The following CHST12 variants were observed in gnomAD, a reference collection of about 807,000 sequenced individuals.
CHST12 encodes the protein carbohydrate sulfotransferase 12.
A neutral mutation model predicts 27.9 loss-of-function variants in CHST12; 23 were observed. The observed-to-expected ratio is 0.82, with a 90% CI of 0.59 to 1.17. The LOEUF (loss-of-function observed/expected upper bound fraction) is 1.17, where lower values mean the gene tolerates loss of function less well. Among genes scored for constraint, CHST12 ranks in the 50% most tolerant of loss-of-function variants. CHST12 has a pLI of 0.00. For synonymous variants in CHST12, 322 were observed against 273.0 expected (o/e 1.18, Z -1.77); for missense variants, 682 against 603.0 (o/e 1.13, Z -1.37).
intron 1 of CHST12, among the ~76,000 whole-genome samples, chr7:2,415,450 A>G (rs1449534172): frequency 6.6e-6 from 1 of 152,154 alleles, no homozygotes; most frequent in African/African-American, 2.4e-5. Context: ...CAATGTACAT[A>G]CGTTAATTTA....
At chr7:2,409,104 C>T (rs753882173) in intron 1 of CHST12, among the ~76,000 whole-genome samples, 1 of 152,214 alleles carries the variant, frequency 6.6e-6, no homozygotes, top group African/African-American at 2.4e-5. Context: ...TGGTGTACTA[C>T]AAGGCGCAGC....
intron 1 of CHST12, among the ~76,000 whole-genome samples, chr7:2,417,695 C>G (rs905348716): frequency 1.3e-5 from 2 of 152,044 alleles, no homozygotes; most frequent in Non-Finnish European, 2.9e-5. Flanking sequence ...TGGCCTTACT[C>G]CACTTTTCTG....
At position 2,442,598 on chromosome 7, in the gene CHST12, C is replaced by T. The variant is rs927832346; in HGVS notation, c.*8714C>T. 2.0e-5 allele frequency: 3 copies of T among 152,252 alleles called. No individual in the cohort carries two copies. The highest frequency in any genetic ancestry group is 1.9e-4 in the East Asian group (1 of 5,202). 9.4% of individuals were successfully genotyped at this position (152,252 alleles called of 1,614,324 possible). On this transcript the variant is annotated 3_prime_UTR_variant, in exon 2 of 2. Transcript: ENST00000618655. The stretch of plus-strand genomic sequence containing the variant: ...CAGGATGCTCTGGATCTCCTGACCT[C>T]GTGATCCACCCACCTCGGCCTCCCA...
chr7:2,434,199 T>C lies in CHST12; in HGVS notation c.*315T>C, dbSNP rs531666806. 316 of 236,752 alleles carry C rather than the reference T, an allele frequency of 1.3e-3. 4 individuals are homozygous for C. Among genetic ancestry groups the C allele is most frequent in the South Asian group, 8.1e-3 (91 of 11,282 alleles). 14.7% of individuals were successfully genotyped at this position (236,752 alleles called of 1,614,324 possible). A position where few individuals can be genotyped will look rare whatever the true frequency, so the allele number is the denominator to read the frequency against. ...GAGGGGATGCTGAGGCTGATGGAGC[T>C]GCCTCCAGGGCTAGGGCCACTCACC... On this transcript the variant is annotated 3_prime_UTR_variant, in exon 2 of 2. Transcript: ENST00000618655.
intron 1 of CHST12, among the ~76,000 whole-genome samples, chr7:2,425,251 AC>A (rs1387895125): frequency 6.6e-6 from 1 of 151,326 alleles, no homozygotes; most frequent in African/African-American, 2.4e-5. Flanking sequence ...AAAAAAACAA[AC>A]CCCGGCCCAG....
chr7:2,411,382 GA>G (rs1781660588), intron 1 of CHST12, among the ~76,000 whole-genome samples: 1 of 151,866 alleles, frequency 6.6e-6, no homozygotes. Flanking sequence ...GCACCTGGCT[GA>G]GCCTGGATAT....
intron 1 of CHST12, among the ~76,000 whole-genome samples, chr7:2,432,246 C>A (rs546225205): frequency 3.1e-4 from 46 of 150,088 alleles, no homozygotes; most frequent in African/African-American, 1.1e-3. Context: ...TCTCCACTCC[C>A]TGGGAGGCGT....
Position 2,433,862 on chromosome 7 carries a change from C to T in CHST12, c.1223C>T (p.Pro408Leu). ...TTTGTTCTCTTCGGCTACCCCAAGC[C>T]CGAAAACCTCCTCCGAGACTGAAAG... ...ADFVLFGYPKPENLLRD is the reference protein window; with the variant it reads ...ADFVLFGYPKLENLLRD The change falls in exon 2 of 2, where the codon CCC becomes CTC. Residue 408 changes from proline to leucine, a missense_variant. Physicochemically the swap from Pro to Leu is moderately conservative, Grantham distance 98. Coordinates refer to ENST00000618655, the MANE Select transcript of CHST12 (RefSeq NM_018641.5). This position sits in a 1 kb window ranked among gnomAD's most constrained non-coding sequence, Gnocchi z 6.1. 2 of 1,579,872 alleles carry T rather than the reference C, an allele frequency of 1.3e-6. No homozygotes were observed. Among genetic ancestry groups the T allele is most frequent in the Non-Finnish European group, 1.7e-6 (2 of 1,157,784 alleles).
In CHST12 at chr7:2,432,853, A is replaced by G; in HGVS notation, c.214A>G (p.Lys72Glu). Residue 72 changes from lysine to glutamate, a missense_variant, in exon 2 of 2, where the codon AAG (lysine) becomes GAG (glutamate). By Grantham distance (56) the Lys-to-Glu change is moderately conservative. Coordinates refer to ENST00000618655, the MANE Select transcript of CHST12 (RefSeq NM_018641.5). ...CTCCGATGTCGACGAGTTTCTGGAC[A>G]AGTTTCTCAGTGCTGGCGTGAAGCA... ...ADSDVDEFLD[K>E]FLSAGVKQSD... is the part of the protein sequence containing the mutation. 2 of 1,613,804 alleles carry G rather than the reference A, an allele frequency of 1.2e-6. No individual in the cohort carries two copies.
At chr7:2,419,707 CAAA>C (rs562438536) in intron 1 of CHST12, among the ~76,000 whole-genome samples, 1 of 99,880 alleles carries the variant, frequency 1.0e-5, no homozygotes, top group Non-Finnish European at 2.2e-5. Context: ...AACTCCGTCT[CAAA>C]AAAAAAAAAA....
rs1361968267 is a variant in CHST12 at position 2,442,350 on chromosome 7, G to T, written c.*8466G>T. On this transcript the variant is annotated 3_prime_UTR_variant, in exon 2 of 2. Coordinates refer to ENST00000618655, the MANE Select transcript of CHST12 (RefSeq NM_018641.5). Reference sequence around the variant, plus strand: ...ATGCTGCTGTGAACACGGGTGTGCAGATACCTGTTCAAGTCCCTGCTGTTT... The same window carrying T: ...ATGCTGCTGTGAACACGGGTGTGCATATACCTGTTCAAGTCCCTGCTGTTT... 6.6e-6 allele frequency: 1 copy of T among 152,228 alleles called. No individual in the cohort carries two copies. Among genetic ancestry groups the T allele is most frequent in the Non-Finnish European group, 1.5e-5 (1 of 68,066 alleles). 9.4% of individuals were successfully genotyped at this position (152,228 alleles called of 1,614,324 possible).
chr7:2,414,830 A>G (rs921203536), intron 1 of CHST12, among the ~76,000 whole-genome samples: 1 of 152,144 alleles, frequency 6.6e-6, no homozygotes, highest in African/African-American at 2.4e-5. Context: ...ATTCTTTTTC[A>G]TGCAGATATC....
intron 1 of CHST12, among the ~76,000 whole-genome samples, chr7:2,427,161 G>T (rs1782144794): frequency 6.6e-6 from 1 of 151,698 alleles, no homozygotes; most frequent in African/African-American, 2.4e-5. Flanking sequence ...CTCCGGCCTG[G>T]GTGACACAGC....
At chr7:2,430,497 T>C (rs1168484240) in intron 1 of CHST12, among the ~76,000 whole-genome samples, 1 of 151,926 alleles carries the variant, frequency 6.6e-6, no homozygotes, top group Non-Finnish European at 1.5e-5. Flanking sequence ...TGCATTTTTT[T>C]AGTAGAGACG....
chr7:2,421,499 C>T (rs1374708772), intron 1 of CHST12, among the ~76,000 whole-genome samples: 6 of 149,804 alleles, frequency 4.0e-5, no homozygotes, highest in African/African-American at 1.2e-4. Flanking sequence ...TGCGGTGACG[C>T]GATCTTGGCT....
chr7:2,433,765 T>C lies in CHST12; in HGVS notation c.1126T>C (p.Trp376Arg), dbSNP rs1782383923. ...PSYRNRTASSWEEDWFAKIPL... is the reference protein window; with the variant it reads ...PSYRNRTASSREEDWFAKIPL... ...CTACCGGAACAGGACCGCCAGCAGCTGGGAGGAGGACTGGTTCGCCAAGAT... is the reference window on the plus strand; with the variant it reads ...CTACCGGAACAGGACCGCCAGCAGCCGGGAGGAGGACTGGTTCGCCAAGAT... Residue 376 changes from tryptophan (W) to arginine (R), a missense_variant, in exon 2 of 2, where the codon TGG (tryptophan) becomes CGG (arginine). Physicochemically the swap from Trp to Arg is moderately radical, Grantham distance 101. Coordinates refer to ENST00000618655, the MANE Select transcript of CHST12 (RefSeq NM_018641.5). This position sits in a 1 kb window ranked among gnomAD's most constrained non-coding sequence, Gnocchi z 6.1. The C allele has an allele frequency of 2.5e-6, 4 of 1,614,044 alleles. No individual in the cohort carries two copies. The highest frequency in any genetic ancestry group is 3.4e-6 in the Non-Finnish European group (4 of 1,180,022).
chr7:2,433,473 C>G lies in CHST12; in HGVS notation c.834C>G (p.Tyr278Ter). 1 of 1,611,108 alleles carries G rather than the reference C, an allele frequency of 6.2e-7. No individual in the cohort carries two copies. Among genetic ancestry groups the G allele is most frequent in the Non-Finnish European group, 8.5e-7 (1 of 1,179,924 alleles). Residue 278 changes from tyrosine to a stop codon, truncating the protein, a stop_gained, in exon 2 of 2, where the codon TAC (tyrosine) becomes TAG (stop). Coordinates refer to ENST00000618655, the MANE Select transcript of CHST12 (RefSeq NM_018641.5). LOFTEE classifies it high-confidence loss of function. This position sits in a 1 kb window ranked among gnomAD's most constrained non-coding sequence, Gnocchi z 6.1. Reference sequence around the variant, plus strand: ...TCGCCGTGCCCATGCTGCGGCTGTACGCCAACCACACCAGCCTGCCCGCCT... The same window carrying G: ...TCGCCGTGCCCATGCTGCGGCTGTAGGCCAACCACACCAGCCTGCCCGCCT... ...RKFAVPMLRL[Y>*]ANHTSLPASA... is the part of the protein sequence containing the mutation.
Position 2,422,629 on chromosome 7 carries a change from G to A in CHST12, c.-77-9934G>A, listed in dbSNP as rs575120690. 3.8e-3 allele frequency among the ~76,000 whole-genome samples: 563 copies of A among 148,778 alleles called. 4 individuals are homozygous for A. Among genetic ancestry groups the A allele is most frequent in the African/African-American group, 0.013 (540 of 40,380 alleles). Reference sequence around the variant, plus strand: ...CAGCTCACTGCAAACTGCGACTCCCGGGTTCAAGCGATTCTCCTGCCTCAG... The same window carrying A: ...CAGCTCACTGCAAACTGCGACTCCCAGGTTCAAGCGATTCTCCTGCCTCAG... On this transcript the variant is annotated intron_variant, in intron 1 of 1. Coordinates refer to ENST00000618655, the MANE Select transcript of CHST12 (RefSeq NM_018641.5).
At position 2,436,318 on chromosome 7, in the gene CHST12, A is replaced by C. The variant is rs541497057; in HGVS notation, c.*2434A>C. 1 of 151,876 alleles carries C rather than the reference A, an allele frequency of 6.6e-6. No individual in the cohort carries two copies. The highest frequency in any genetic ancestry group is 6.6e-5 in the Admixed American group (1 of 15,244). The allele number at this position is 151,876 out of a possible 1,614,324, so 9.4% of individuals were successfully genotyped here. On this transcript the variant is annotated 3_prime_UTR_variant, in exon 2 of 2. Transcript: ENST00000618655. ...CCATTGGTAGAAGGCAGCAGCTTCC[A>C]CTCTCTGATTTCTACTACCCGAGCT...
Sources: gnomAD v4.1 joint callset for allele counts (sites outside exome capture counted in the v4.1 genomes callset) on GRCh38, gnomAD v4.1.1 for gene constraint, Gnocchi (gnomAD v3.1) non-coding constraint, MANE v1.5 for transcripts, NCBI Gene and HGNC (gene_info 2026-07-23, HGNC 2026-07-21) for gene names.